ATXN1: variants seen among roughly 807,000 people sequenced by gnomAD.
ATXN1 encodes the protein ataxin 1.
A neutral mutation model predicts 56.4 loss-of-function variants in ATXN1; 8 were observed. The observed-to-expected ratio is 0.14, with a 90% CI of 0.08 to 0.26. ATXN1 has a LOEUF of 0.26. ATXN1 is among the 10% of genes least tolerant of loss of function. The pLI is 1.00. For missense variants in ATXN1, 987 were observed against 1,106.5 expected, an observed-to-expected ratio of 0.89 and a Z score of 1.53; for synonymous variants, 514 against 494.6, an observed-to-expected ratio of 1.04 and a Z score of -0.52.
At chr6:16,580,910 G>C (rs1762516040) in intron 4 of ATXN1, among the ~76,000 whole-genome samples, 1 of 152,128 alleles carries the variant, frequency 6.6e-6, no homozygotes, top group African/African-American at 2.4e-5. Flanking sequence ...GGGAGAAAAG[G>C]GAAGGGCATA....
intron 3 of ATXN1, among the ~76,000 whole-genome samples, chr6:16,638,365 G>A (rs1763637339): frequency 6.7e-6 from 1 of 150,132 alleles, no homozygotes; most frequent in African/African-American, 2.5e-5. Flanking sequence ...AGGATCACTT[G>A]AGCCTGGGAG....
chr6:16,419,237 C>G lies in ATXN1; in HGVS notation c.-161+66735G>C, dbSNP rs917227951. Reference sequence around the variant, plus strand: ...TAGCTGGGAGTACAGGTGCATGACACTGCACATGGCTTCCCATGAGCTTTT... The same window carrying G: ...TAGCTGGGAGTACAGGTGCATGACAGTGCACATGGCTTCCCATGAGCTTTT... On this transcript the variant is annotated intron_variant, in intron 6 of 7. Coordinates refer to ENST00000436367, the MANE Select transcript of ATXN1 (RefSeq NM_001128164.2). Among the ~76,000 whole-genome samples the G allele has an allele frequency of 1.3e-4, 20 of 152,318 alleles. 1 individual carries two copies. In the South Asian group the frequency reaches 2.3e-3, roughly 17 times the overall value.
intron 2 of ATXN1, among the ~76,000 whole-genome samples, chr6:16,658,317 C>A (rs1031174190): frequency 5.9e-5 from 9 of 152,162 alleles, no homozygotes; most frequent in Non-Finnish European, 1.2e-4. Context: ...ATGAAAGACT[C>A]AGACTAATCA....
At chr6:16,311,734 AGAGTCATT>A (rs1289913860) in intron 7 of ATXN1, among the ~76,000 whole-genome samples, 1 of 138,554 alleles carries the variant, frequency 7.2e-6, no homozygotes, top group East Asian at 2.7e-4. Flanking sequence ...CAAACCTCTT[AGAGTCATT>A]AACAACATAA....
At chr6:16,501,909 C>A (rs1169626072) in intron 5 of ATXN1, among the ~76,000 whole-genome samples, 3 of 152,154 alleles carry the variant, frequency 2.0e-5, no homozygotes, top group Non-Finnish European at 4.4e-5. Flanking sequence ...CTGTCTTCCA[C>A]AATGGTTGAA....
chr6:16,645,650 T>C (rs914676194), intron 3 of ATXN1, among the ~76,000 whole-genome samples: 8 of 152,216 alleles, frequency 5.3e-5, no homozygotes, highest in Non-Finnish European at 1.2e-4. Flanking sequence ...ACCTCATCCA[T>C]TATAATATTA....
rs540620598 is a variant in ATXN1 at position 16,732,111 on chromosome 6, C to CT, written c.-615+21121dup. On this transcript the variant is annotated intron_variant, in intron 2 of 7. Transcript: ENST00000436367. Reference sequence around the variant, plus strand: ...CTGCAACAAAGTGTCATATGTAGCTCTTTTTTCATATTTGAAGCTTTATAG... The same window carrying CT: ...CTGCAACAAAGTGTCATATGTAGCTCTTTTTTTCATATTTGAAGCTTTATAG... 7.2e-4 allele frequency among the ~76,000 whole-genome samples: 110 copies of CT among 152,200 alleles called. 2 individuals are homozygous for CT. The South Asian group carries it at 0.022, about 30-fold the overall frequency.
chr6:16,499,818 A>G (rs923310946), intron 5 of ATXN1, among the ~76,000 whole-genome samples: 6 of 152,208 alleles, frequency 3.9e-5, no homozygotes, highest in African/African-American at 7.2e-5. Context: ...GCTATCATCA[A>G]TTCAGCCAAT....
At chr6:16,637,644 G>A (rs1472548108) in intron 3 of ATXN1, among the ~76,000 whole-genome samples, 3 of 152,176 alleles carry the variant, frequency 2.0e-5, no homozygotes, top group Non-Finnish European at 4.4e-5. Flanking sequence ...TCCATGTCGA[G>A]TTAGGAAAAA....
chr6:16,418,716 TCCCCCCA>T (rs1394449153), intron 6 of ATXN1, among the ~76,000 whole-genome samples: 1 of 27,920 alleles, frequency 3.6e-5, no homozygotes, highest in Non-Finnish European at 6.8e-5. Context: ...CCCTCCCCCC[TCCCCCCA>T]CCCCACAACA....
intron 3 of ATXN1, among the ~76,000 whole-genome samples, chr6:16,655,438 T>G (rs1434220521): frequency 6.6e-6 from 1 of 152,128 alleles, no homozygotes; most frequent in Non-Finnish European, 1.5e-5. Flanking sequence ...ATTCCTGCCC[T>G]GAAGCTGTGT....
chr6:16,396,368 C>A (rs980135366), intron 6 of ATXN1, among the ~76,000 whole-genome samples: 5 of 151,982 alleles, frequency 3.3e-5, no homozygotes, highest in African/African-American at 1.2e-4. Context: ...TGGCTTGAGC[C>A]CGGGTGCGCG....
chr6:16,433,062 G>A (rs965162032), intron 6 of ATXN1: 2 of 151,994 alleles, frequency 1.3e-5, no homozygotes, highest in Non-Finnish European at 2.9e-5. Flanking sequence ...ATAGGTTATG[G>A]GTTTTGTATT....
chr6:16,753,986 A>G (rs1415960755), intron 1 of ATXN1: 1 of 152,340 alleles, frequency 6.6e-6, no homozygotes, highest in African/African-American at 2.4e-5. Context: ...TGTATGATGA[A>G]TGAGTGAATG....
intron 3 of ATXN1, among the ~76,000 whole-genome samples, chr6:16,586,768 C>T (rs1384437305): frequency 1.7e-4 from 26 of 152,140 alleles, no homozygotes; most frequent in Non-Finnish European, 2.9e-5. Context: ...TGCCTGTAAT[C>T]CCAGCACTTT....
rs969413952 is a variant in ATXN1 at position 16,301,016 on chromosome 6, C to T, written c.*5313G>A. The T allele has an allele frequency of 7.3e-5, 11 of 151,026 alleles. No homozygotes were observed. Among genetic ancestry groups the T allele is most frequent in the African/African-American group, 2.7e-4 (11 of 40,982 alleles). The allele number at this position is 151,026 out of a possible 1,614,324, so 9.4% of individuals were successfully genotyped here. A position where few individuals can be genotyped will look rare whatever the true frequency, so the allele number is the denominator to read the frequency against. On this transcript the variant is annotated 3_prime_UTR_variant, in exon 8 of 8. Coordinates refer to ENST00000436367, the MANE Select transcript of ATXN1 (RefSeq NM_001128164.2). ...GTAATTCTTCCAGGCCATAACCATA[C>T]AAATCTGATCATTTAGACATGACAA...
chr6:16,519,677 G>A (rs537953284), intron 5 of ATXN1, among the ~76,000 whole-genome samples: 1 of 152,188 alleles, frequency 6.6e-6, no homozygotes, highest in Non-Finnish European at 1.5e-5. Flanking sequence ...AGGTCATTCT[G>A]ACAGAGCCGC....
intron 2 of ATXN1, among the ~76,000 whole-genome samples, chr6:16,672,145 A>G (rs1214305820): frequency 6.6e-6 from 1 of 152,184 alleles, no homozygotes; most frequent in Non-Finnish European, 1.5e-5. Flanking sequence ...TTCAAGTCCT[A>G]GGGCCTCTGG....
At chr6:16,351,853 G>A (rs892894471) in intron 6 of ATXN1, among the ~76,000 whole-genome samples, 4 of 152,152 alleles carry the variant, frequency 2.6e-5, no homozygotes, top group African/African-American at 4.8e-5. Context: ...GTGTGCTGAC[G>A]GTACTACATT....
Sources: gnomAD v4.1 joint callset for allele counts (sites outside exome capture counted in the v4.1 genomes callset) on GRCh38, gnomAD v4.1.1 for gene constraint, MANE v1.5 for transcripts, NCBI Gene and HGNC (gene_info 2026-07-23, HGNC 2026-07-21) for gene names.